The following GAS7 variants were observed in gnomAD, a reference collection of about 807,000 sequenced individuals.
GAS7 encodes the protein growth arrest-specific protein 7.
A neutral mutation model predicts 71.1 loss-of-function variants in GAS7; 28 were observed. The ratio of observed to expected loss-of-function variants is 0.39; its 90% CI spans 0.29 to 0.54. The LOEUF is 0.54. Among genes scored for constraint, GAS7 ranks in the 20% least tolerant of loss-of-function variants. GAS7 has a pLI of 0.62. For missense variants in GAS7, 436 were observed against 627.8 expected (o/e 0.69, Z 3.27); for synonymous variants, 258 against 245.8 (o/e 1.05, Z -0.46).
chr17:9,945,337 C>A (rs1186789406), intron 6 of GAS7, among the ~76,000 whole-genome samples: 1 of 151,066 alleles, frequency 6.6e-6, no homozygotes, highest in Non-Finnish European at 1.5e-5. Context: ...CTGCTTAAGA[C>A]CTTCTAACAC....
intron 1 of GAS7, among the ~76,000 whole-genome samples, chr17:10,165,291 C>CAAAAAAAAAAAAAAAA (rs71365731): frequency 2.6e-5 from 2 of 77,642 alleles, no homozygotes; most frequent in Non-Finnish European, 2.6e-5. Context: ...GATTCCTTCT[C>CAAAAAAAAAAAAAAAA]AAAAAAAAAA....
At chr17:10,158,435 C>T (rs908139294) in intron 1 of GAS7, among the ~76,000 whole-genome samples, 1 of 150,440 alleles carries the variant, frequency 6.6e-6, no homozygotes, top group Non-Finnish European at 1.5e-5. Flanking sequence ...TCACTTGAGG[C>T]CAGGAGTTCA....
intron 1 of GAS7, among the ~76,000 whole-genome samples, chr17:10,119,742 T>A (rs1188006582): frequency 6.6e-6 from 1 of 152,156 alleles, no homozygotes; most frequent in African/African-American, 2.4e-5. Flanking sequence ...TCAGCTAACT[T>A]GACATTCCAT....
chr17:10,111,880 G>A (rs11655774), intron 1 of GAS7, among the ~76,000 whole-genome samples: 84,038 of 151,960 alleles, frequency 0.55, 23,676 homozygotes, highest in Admixed American at 0.61. Context: ...ACCTAGACCA[G>A]ATACACTCTG....
In GAS7 at chr17:9,915,426, T is replaced by C. The variant is rs2067556979; in HGVS notation, c.*1802A>G. On this transcript the variant is annotated 3_prime_UTR_variant, in exon 14 of 14. Coordinates refer to ENST00000432992, the MANE Select transcript of GAS7 (RefSeq NM_201433.2). ...TGGTGTCATGACCCAACCCCAGATC[T>C]GGACAGAGTGGTTCTCCATCCCATG... The C allele has an allele frequency of 4.3e-6, 1 of 230,266 alleles. No homozygotes were observed. Among genetic ancestry groups the C allele is most frequent in the Non-Finnish European group, 8.6e-6 (1 of 115,924 alleles). 14.3% of individuals were successfully genotyped at this position (230,266 alleles called of 1,614,324 possible).
rs183992599 is a variant in GAS7 at position 10,103,601 on chromosome 17, G to A, written c.184-83704C>T. Among the ~76,000 whole-genome samples, 23 of 152,164 alleles carry A rather than the reference G, an allele frequency of 1.5e-4. No homozygotes were observed. Among genetic ancestry groups the A allele is most frequent in the South Asian group, 2.1e-4 (1 of 4,818 alleles). On this transcript the variant is annotated intron_variant, in intron 1 of 13. Coordinates refer to ENST00000432992, the MANE Select transcript of GAS7 (RefSeq NM_201433.2). The surrounding 1 kb of genome is among the most constrained non-coding windows in gnomAD (Gnocchi z 5.5). The stretch of plus-strand genomic sequence containing the variant: ...AGCACTTTGGGAGGCCGAGGTGGGC[G>A]GATCACCTGAGGTCAGGAGTTCAAG...
rs79756004 is a variant in GAS7 at position 10,028,493 on chromosome 17, T to C, written c.184-8596A>G. Among the ~76,000 whole-genome samples, 1,326 of 152,164 alleles carry C rather than the reference T, an allele frequency of 8.7e-3. 42 individuals carry two copies. In the East Asian group the frequency reaches 0.12, roughly 14 times the overall value. ...TGTTTATTTTATTGCAGAAAATAGA[T>C]AGAGGAAGAACATCCAGAAGCCTAG... On this transcript the variant is annotated intron_variant, in intron 1 of 13. Coordinates refer to ENST00000432992, the MANE Select transcript of GAS7 (RefSeq NM_201433.2).
intron 1 of GAS7, among the ~76,000 whole-genome samples, chr17:10,065,740 G>C (rs966725067): frequency 6.6e-6 from 1 of 152,182 alleles, no homozygotes; most frequent in Non-Finnish European, 1.5e-5. Flanking sequence ...GACAATCTTG[G>C]AGAGCCACTA....
rs2067416254 is a variant in GAS7, at chr17:9,910,801, A to T, written c.*6427T>A. 1.3e-5 allele frequency: 3 copies of T among 226,230 alleles called. No homozygotes were observed. The South Asian group carries it at 5.5e-4, about 41-fold the overall frequency. 14.0% of individuals were successfully genotyped at this position (226,230 alleles called of 1,614,324 possible). ...TCAGGGTTTCAACAGTGTTACTTAT[A>T]AATTATATTACATCAATTTTATTTA... On this transcript the variant is annotated 3_prime_UTR_variant, in exon 14 of 14. Transcript: ENST00000432992.
At chr17:10,135,614 C>A (rs2074031847) in intron 1 of GAS7, among the ~76,000 whole-genome samples, 1 of 152,204 alleles carries the variant, frequency 6.6e-6, no homozygotes, top group Non-Finnish European at 1.5e-5. Flanking sequence ...GGTTTCCCAT[C>A]TCCACGTGGT....
intron 5 of GAS7, among the ~76,000 whole-genome samples, chr17:9,957,573 A>AC (rs1221525764): frequency 9.0e-5 from 13 of 145,124 alleles, no homozygotes; most frequent in African/African-American, 3.1e-4. Flanking sequence ...TCCCACTCCG[A>AC]CCTCCCCCCC....
At chr17:9,929,785 T>C (rs547161911) in intron 9 of GAS7, among the ~76,000 whole-genome samples, 28 of 151,982 alleles carry the variant, frequency 1.8e-4, no homozygotes, top group African/African-American at 6.1e-4. Context: ...CGATATTAAG[T>C]ACTTTTAAAA....
At chr17:10,163,284 AT>A (rs565818055) in intron 1 of GAS7, among the ~76,000 whole-genome samples, 1 of 151,738 alleles carries the variant, frequency 6.6e-6, no homozygotes, top group African/African-American at 2.4e-5. Flanking sequence ...TAATTTTTGT[AT>A]TTTTTTAGTA....
chr17:10,163,169 C>T (rs1474926754), intron 1 of GAS7, among the ~76,000 whole-genome samples: 1 of 152,100 alleles, frequency 6.6e-6, no homozygotes, highest in African/African-American at 2.4e-5. Flanking sequence ...GGACTGCAGT[C>T]GCGTGATCTC....
At chr17:10,136,155 C>T (rs2074036496) in intron 1 of GAS7, among the ~76,000 whole-genome samples, 1 of 152,178 alleles carries the variant, frequency 6.6e-6, no homozygotes, top group South Asian at 2.1e-4. Context: ...CTAATGCAAA[C>T]TGTAACTGTG....
Position 9,969,943 on chromosome 17 carries a change from C to T in GAS7, c.386-181G>A, listed in dbSNP as rs1032230421. Among the ~76,000 whole-genome samples the T allele has an allele frequency of 4.6e-5, 7 of 152,168 alleles. No homozygotes were observed. The highest frequency in any genetic ancestry group is 1.7e-4 in the African/African-American group (7 of 41,436). On this transcript the variant is annotated intron_variant, in intron 3 of 13. Coordinates refer to ENST00000432992, the MANE Select transcript of GAS7 (RefSeq NM_201433.2). This position sits in a 1 kb window ranked among gnomAD's most constrained non-coding sequence, Gnocchi z 5.5. ...TGCAGAGCTGGAAATGGGTTGAAGG[C>T]ATCTCTCTAATCCTCAGCACCCAAA...
intron 1 of GAS7, among the ~76,000 whole-genome samples, chr17:10,099,833 G>C (rs780268174): frequency 6.6e-6 from 1 of 152,202 alleles, no homozygotes; most frequent in African/African-American, 2.4e-5. Context: ...ACCTAAGAGT[G>C]TAATTCGTTA....
At chr17:10,110,030 G>T (rs1450941597) in intron 1 of GAS7, among the ~76,000 whole-genome samples, 1 of 149,528 alleles carries the variant, frequency 6.7e-6, no homozygotes, top group African/African-American at 2.5e-5. Flanking sequence ...CTTCAGCCTG[G>T]GCGACACAGC....
intron 1 of GAS7, among the ~76,000 whole-genome samples, chr17:10,101,790 G>A (rs1281348339): frequency 1.3e-5 from 2 of 152,180 alleles, no homozygotes. Flanking sequence ...TTCTATCACT[G>A]TTCCCACCAT....
Sources: allele counts gnomAD v4.1 joint callset (sites outside exome capture counted in the v4.1 genomes callset), GRCh38; gene constraint gnomAD v4.1.1; non-coding constraint Gnocchi (gnomAD v3.1); transcripts MANE v1.5; gene names NCBI Gene and HGNC (gene_info 2026-07-23, HGNC 2026-07-21).